The following RGS9 variants were observed in gnomAD, a reference collection of about 807,000 sequenced individuals.
RGS9 encodes the protein regulator of G protein signaling 9, also known as regulator of G-protein signalling 9.
Under a neutral mutation model 102.0 loss-of-function variants are expected in RGS9, and 78 were observed. The observed-to-expected ratio is 0.76, with a 90% CI of 0.64 to 0.92. RGS9 has a LOEUF of 0.92. RGS9 is among the 40% of genes least tolerant of loss of function. The pLI is 0.00. For missense variants in RGS9, 833 were observed against 866.1 expected (o/e 0.96, Z 0.48); for synonymous variants, 353 against 318.6 (o/e 1.11, Z -1.15).
At chr17:65,139,362 T>C (rs1446761833) in intron 1 of RGS9, among the ~76,000 whole-genome samples, 7 of 149,952 alleles carry the variant, frequency 4.7e-5, no homozygotes, top group Non-Finnish European at 1.0e-4. Flanking sequence ...CCTGAAACGC[T>C]CCACTGGCTT....
In RGS9 at chr17:65,137,414, C is replaced by T; in HGVS notation, c.-127C>T. The T allele has an allele frequency of 1.1e-6, 1 of 938,866 alleles. No homozygotes were observed. The highest frequency in any genetic ancestry group is 1.7e-6 in the Non-Finnish European group (1 of 587,624). 58.2% of individuals were successfully genotyped at this position (938,866 alleles called of 1,614,324 possible). Reference sequence around the variant, plus strand: ...GAGTCAGGGGGGCCCGGCCCGCGCCCTCCCCGCCCAGCCGCCTCCCCGTCG... The same window carrying T: ...GAGTCAGGGGGGCCCGGCCCGCGCCTTCCCCGCCCAGCCGCCTCCCCGTCG... On this transcript the variant is annotated 5_prime_UTR_variant, in exon 1 of 19. Coordinates refer to ENST00000262406, the MANE Select transcript of RGS9 (RefSeq NM_003835.4).
intron 17 of RGS9, among the ~76,000 whole-genome samples, chr17:65,219,195 G>A (rs942183678): frequency 1.3e-5 from 2 of 152,182 alleles, no homozygotes; most frequent in Non-Finnish European, 2.9e-5. Context: ...TCAACTCCAG[G>A]TATCAGCTCT....
Position 65,137,403 on chromosome 17 carries a change from C to G in RGS9, c.-138C>G. On this transcript the variant is annotated 5_prime_UTR_variant, in exon 1 of 19. Coordinates refer to ENST00000262406, the MANE Select transcript of RGS9 (RefSeq NM_003835.4). The stretch of plus-strand genomic sequence containing the variant: ...GCGCCTAGTGAGAGTCAGGGGGGCC[C>G]GGCCCGCGCCCTCCCCGCCCAGCCG... 2 of 818,172 alleles carry G rather than the reference C, an allele frequency of 2.4e-6. No individual in the cohort carries two copies. The highest frequency in any genetic ancestry group is 4.1e-6 in the Non-Finnish European group (2 of 486,294). 50.7% of individuals were successfully genotyped at this position (818,172 alleles called of 1,614,324 possible). A position where few individuals can be genotyped will look rare whatever the true frequency, so the allele number is the denominator to read the frequency against.
At chr17:65,188,947 C>G (rs1912246180) in intron 9 of RGS9, 1 of 330,672 alleles carries the variant, frequency 3.0e-6, no homozygotes, top group Admixed American at 4.6e-5. Flanking sequence ...ATATCTCAGA[C>G]AGGAATCTGT....
In RGS9 at chr17:65,227,327, G is replaced by C; in HGVS notation, c.1945G>C (p.Asp649His). Residue 649 changes from aspartate to histidine, a missense_variant, in exon 19 of 19, where the codon GAC (aspartate) becomes CAC (histidine). Transcript: ENST00000262406. ...VPTGSGTCLM[D>H]SEDAGTGESG... is the part of the protein sequence containing the mutation. ...CACGGGGAGCGGGACCTGCTTGATG[G>C]ACTCGGAGGATGCTGGAACAGGAGA... 1 of 1,614,176 alleles carries C rather than the reference G, an allele frequency of 6.2e-7. No homozygotes were observed. The highest frequency in any genetic ancestry group is 8.5e-7 in the Non-Finnish European group (1 of 1,180,040).
intron 6 of RGS9, 128 bp from the exon 7 acceptor site, chr17:65,162,885 T>C (rs1911038758): frequency 4.4e-6 from 3 of 686,152 alleles, no homozygotes; most frequent in South Asian, 1.5e-5. Flanking sequence ...CCAGCTTAGA[T>C]ACCATCGGGC....
intron 1 of RGS9, among the ~76,000 whole-genome samples, chr17:65,146,051 G>T (rs374158848): frequency 1.3e-5 from 2 of 151,992 alleles, no homozygotes; most frequent in South Asian, 2.1e-4. Context: ...TCCTCTGAAG[G>T]TTATTTTCAA....
Position 65,173,988 on chromosome 17 carries a change from C to A in RGS9, c.583-3744C>A, listed in dbSNP as rs555251349. Reference sequence around the variant, plus strand: ...TTAAGGGCTGCTGCCCACAGAGGTGCAAGAGCCGAGGCAGCAGTGGCCAGA... The same window carrying A: ...TTAAGGGCTGCTGCCCACAGAGGTGAAAGAGCCGAGGCAGCAGTGGCCAGA... On this transcript the variant is annotated intron_variant, in intron 8 of 18. Coordinates refer to ENST00000262406, the MANE Select transcript of RGS9 (RefSeq NM_003835.4). This position sits in a 1 kb window ranked among gnomAD's most constrained non-coding sequence, Gnocchi z 4.8. 6.6e-6 allele frequency among the ~76,000 whole-genome samples: 1 copy of A among 152,210 alleles called. No homozygotes were observed. The highest frequency in any genetic ancestry group is 2.1e-4 in the South Asian group (1 of 4,826).
At chr17:65,205,936 GTGATATAGGTTATA>G (rs1443379812) in intron 15 of RGS9, among the ~76,000 whole-genome samples, 1 of 152,042 alleles carries the variant, frequency 6.6e-6, no homozygotes. Flanking sequence ...TATAGGTTAT[GTGATATAGGTTATA>G]TGATATAGAT....
intron 7 of RGS9, among the ~76,000 whole-genome samples, chr17:65,165,845 A>T (rs1423791506): frequency 6.6e-6 from 1 of 152,202 alleles, no homozygotes; most frequent in Non-Finnish European, 1.5e-5. Flanking sequence ...ATTAGCTGTT[A>T]CTGCACTCAG....
chr17:65,202,025 G>A lies in RGS9; in HGVS notation c.1009G>A (p.Asp337Asn), dbSNP rs1331120505. The A allele has an allele frequency of 1.2e-6, 2 of 1,613,706 alleles. No homozygotes were observed. The highest frequency in any genetic ancestry group is 1.1e-5 in the South Asian group (1 of 91,062). ...ENLGFWEACE[D>N]LKYGDQSKVK... The stretch of plus-strand genomic sequence containing the variant: ...TCTGGGATTCTGGGAAGCCTGCGAG[G>A]ATCTGAAGTATGGAGATCAGTCCAA... The change falls in exon 14 of 19, where the codon GAT (aspartate) becomes AAT (asparagine). Residue 337 changes from aspartate (D) to asparagine (N), a missense_variant. By Grantham distance (23) the Asp-to-Asn change is conservative. Around this residue, in one of 3 missense-constraint regions of RGS9, gnomAD observed 185 missense variants for 248.7 expected, o/e 0.74. Transcript: ENST00000262406.
chr17:65,191,265 G>A (rs536832453), intron 11 of RGS9, among the ~76,000 whole-genome samples: 10 of 152,266 alleles, frequency 6.6e-5, no homozygotes, highest in African/African-American at 2.4e-4. Context: ...GAAAATGGAA[G>A]GAGACCCAAG....
chr17:65,137,492 C>T lies in RGS9; in HGVS notation c.-49C>T. 3 of 1,593,816 alleles carry T rather than the reference C, an allele frequency of 1.9e-6. No homozygotes were observed. Among genetic ancestry groups the T allele is most frequent in the Non-Finnish European group, 2.6e-6 (3 of 1,166,706 alleles). On this transcript the variant is annotated 5_prime_UTR_variant, in exon 1 of 19. Coordinates refer to ENST00000262406, the MANE Select transcript of RGS9 (RefSeq NM_003835.4). ...GCCTTTCGAACTTGGGGGGCTTCTC[C>T]TCTTGTCTCCCACTGGTGCTCTGGC...
chr17:65,143,603 G>A (rs1910239199), intron 1 of RGS9, among the ~76,000 whole-genome samples: 1 of 151,960 alleles, frequency 6.6e-6, no homozygotes, highest in African/African-American at 2.4e-5. Flanking sequence ...GCAACATGGT[G>A]AAACCCTGTC....
intron 2 of RGS9, among the ~76,000 whole-genome samples, chr17:65,154,037 T>C (rs1910681392): frequency 6.6e-6 from 1 of 152,196 alleles, no homozygotes; most frequent in South Asian, 2.1e-4. Flanking sequence ...CCAGGCACAG[T>C]GGCTTACACC....
At chr17:65,168,029 G>GTGC (rs975561985) in intron 7 of RGS9, among the ~76,000 whole-genome samples, 171 bp from the exon 8 acceptor site, 7 of 151,060 alleles carry the variant, frequency 4.6e-5, no homozygotes, top group African/African-American at 1.7e-4. Context: ...GGTTAGAAGG[G>GTGC]TGCTAGTACT....
At chr17:65,170,048 CTTTTTTT>C (rs993959757) in intron 8 of RGS9, among the ~76,000 whole-genome samples, 71 of 122,110 alleles carry the variant, frequency 5.8e-4, no homozygotes, top group African/African-American at 1.9e-3. Flanking sequence ...CTTCTGCATT[CTTTTTTT>C]TTTTTTTTTT....
At chr17:65,190,308 C>A in intron 11 of RGS9, 72 bp downstream of exon 11, 1 of 1,194,152 alleles carries the variant, frequency 8.4e-7, no homozygotes, top group Non-Finnish European at 1.3e-6. Context: ...TCTGCAAACT[C>A]GACAAGTCCT....
chr17:65,161,746 G>C (rs1016030825), intron 6 of RGS9, among the ~76,000 whole-genome samples: 24 of 151,226 alleles, frequency 1.6e-4, no homozygotes, highest in Non-Finnish European at 3.1e-4. Context: ...TTGAGACAAC[G>C]TCTTGCTCAA....
Sources: gnomAD v4.1 joint callset for allele counts (sites outside exome capture counted in the v4.1 genomes callset) on GRCh38, gnomAD v4.1.1 for gene constraint, gnomAD v4.1.1 regional missense constraint, Gnocchi (gnomAD v3.1) non-coding constraint, MANE v1.5 for transcripts, NCBI Gene and HGNC (gene_info 2026-07-23, HGNC 2026-07-21) for gene names.